OXR1: variants seen among roughly 807,000 people sequenced by gnomAD.
The protein encoded by OXR1 is oxidation resistance 1, also known as oxidation resistance protein 1.
A neutral mutation model predicts 104.6 loss-of-function variants in OXR1; 41 were observed. The observed-to-expected ratio is 0.39, with a 90% confidence interval of 0.31 to 0.51. OXR1 has a LOEUF of 0.51. Among genes scored for constraint, OXR1 ranks in the 20% least tolerant of loss-of-function variants. The pLI, the probability that OXR1 is intolerant of heterozygous loss-of-function variation, is 0.77. For missense variants in OXR1, 955 were observed against 1,031.9 expected, an observed-to-expected ratio of 0.93 and a Z score of 1.02; for synonymous variants, 348 against 348.4, an observed-to-expected ratio of 1.00 and a Z score of 0.01.
intron 3 of OXR1, among the ~76,000 whole-genome samples, chr8:106,656,540 C>A (rs1285343276): frequency 6.6e-6 from 1 of 152,166 alleles, no homozygotes; most frequent in Non-Finnish European, 1.5e-5. Context: ...ACATTCCGTC[C>A]ACTGCAACAT....
intron 3 of OXR1, among the ~76,000 whole-genome samples, chr8:106,669,444 G>A (rs1826698003): frequency 6.6e-6 from 1 of 151,988 alleles, no homozygotes; most frequent in Non-Finnish European, 1.5e-5. Flanking sequence ...GTTTTGTTTT[G>A]TTTTTGTTTT....
At position 106,706,795 on chromosome 8, in the gene OXR1, A is replaced by G. The variant is rs1357142843; in HGVS notation, c.1274A>G (p.Gln425Arg). 1 of 1,612,640 alleles carries G rather than the reference A, an allele frequency of 6.2e-7. No individual in the cohort carries two copies. Among genetic ancestry groups the G allele is most frequent in the South Asian group, 1.1e-5 (1 of 90,576 alleles). ...NNLEMAIKED[Q>R]IADNFQGISG... The stretch of plus-strand genomic sequence containing the variant: ...CTTGAAATGGCCATTAAGGAAGATC[A>G]GATTGCAGATAACTTTCAAGGAATA... The change falls in exon 9 of 17, where the codon CAG becomes CGG. Residue 425 changes from glutamine to arginine, a missense_variant. Around this residue, in one of 2 missense-constraint regions of OXR1, gnomAD observed 849 missense variants for 852.9 expected, o/e 1.00. Coordinates refer to ENST00000517566, the MANE Select transcript of OXR1 (RefSeq NM_001198533.2).
At chr8:106,660,426 A>G (rs757755998) in intron 3 of OXR1, among the ~76,000 whole-genome samples, 1 of 152,176 alleles carries the variant, frequency 6.6e-6, no homozygotes, top group African/African-American at 2.4e-5. Flanking sequence ...GTTTCCTGCT[A>G]TCATTCTTTC....
At position 106,710,805 on chromosome 8, in the gene OXR1, C is replaced by A. The variant is rs187969425; in HGVS notation, c.1793+15C>A. On this transcript the variant is annotated intron_variant, in intron 10 of 16. Transcript: ENST00000517566. ...CCACAAGAAAGGTAAAAAACCCATA[C>A]GACACCTTGAGAGCATTATTGAGAT... is the stretch of plus-strand genomic sequence containing the variant. The A allele has an allele frequency of 6.9e-7, 1 of 1,453,112 alleles. No homozygotes were observed. Among genetic ancestry groups the A allele is most frequent in the East Asian group, 2.6e-5 (1 of 39,122 alleles). 90.0% of individuals were successfully genotyped at this position (1,453,112 alleles called of 1,614,324 possible). A position where few individuals can be genotyped will look rare whatever the true frequency, so the allele number is the denominator to read the frequency against.
At chr8:106,657,861 G>C in intron 3 of OXR1, 5 of 1,241,028 alleles carry the variant, frequency 4.0e-6, no homozygotes, top group Non-Finnish European at 5.1e-6. Context: ...CCCGCCTCTT[G>C]TGAGGCGCGC....
intron 1 of OXR1, among the ~76,000 whole-genome samples, chr8:106,350,123 G>A (rs1815662799): frequency 6.6e-6 from 1 of 152,148 alleles, no homozygotes; most frequent in African/African-American, 2.4e-5. Flanking sequence ...GAAAGAACCA[G>A]TAAGAGGCAG....
intron 3 of OXR1, among the ~76,000 whole-genome samples, chr8:106,547,077 G>A (rs10099821): frequency 6.6e-6 from 1 of 151,928 alleles, no homozygotes; most frequent in Non-Finnish European, 1.5e-5. Context: ...TTTTAGTAGA[G>A]ACCGGGTTTC....
intron 2 of OXR1, among the ~76,000 whole-genome samples, chr8:106,510,582 A>G (rs866851235): frequency 6.6e-6 from 1 of 152,232 alleles, no homozygotes; most frequent in Non-Finnish European, 1.5e-5. Flanking sequence ...TTCATAGCAT[A>G]AAATTAGGTA....
At chr8:106,724,703 A>T (rs866170452) in intron 11 of OXR1, among the ~76,000 whole-genome samples, 16 of 152,298 alleles carry the variant, frequency 1.1e-4, no homozygotes, top group Admixed American at 3.9e-4. Context: ...TAGGTCTCTA[A>T]TGACTAGTTC....
At chr8:106,361,134 A>G (rs188625724) in intron 2 of OXR1, among the ~76,000 whole-genome samples, 27 of 152,338 alleles carry the variant, frequency 1.8e-4, no homozygotes, top group Admixed American at 1.4e-3. Context: ...TTCCAGCCCA[A>G]TTGTCCAGCA....
intron 3 of OXR1, among the ~76,000 whole-genome samples, chr8:106,533,363 G>A (rs1426970025): frequency 1.3e-5 from 2 of 152,310 alleles, no homozygotes; most frequent in Admixed American, 6.5e-5. Flanking sequence ...AAAAGAAGAC[G>A]ATTAGGATGG....
chr8:106,388,323 T>G (rs1404231434), intron 2 of OXR1, among the ~76,000 whole-genome samples: 1 of 152,184 alleles, frequency 6.6e-6, no homozygotes, highest in African/African-American at 2.4e-5. Context: ...CCAATACCTG[T>G]GCATTTGGAT....
At chr8:106,423,416 T>C (rs1395009897) in intron 2 of OXR1, among the ~76,000 whole-genome samples, 2 of 152,166 alleles carry the variant, frequency 1.3e-5, no homozygotes, top group Non-Finnish European at 2.9e-5. Context: ...ACTAAATGAC[T>C]GGGGTTCATT....
At chr8:106,724,409 G>A (rs1833134235) in intron 11 of OXR1, among the ~76,000 whole-genome samples, 1 of 152,114 alleles carries the variant, frequency 6.6e-6, no homozygotes, top group Non-Finnish European at 1.5e-5. Flanking sequence ...GGGCAAGAAG[G>A]AGACTTACTG....
chr8:106,598,422 G>A (rs1275129434), intron 3 of OXR1, among the ~76,000 whole-genome samples: 3 of 152,084 alleles, frequency 2.0e-5, no homozygotes, highest in African/African-American at 4.8e-5. Context: ...CTCTCTTTCT[G>A]TGGGCCTCTC....
chr8:106,671,625 A>C (rs1011524417), intron 3 of OXR1, among the ~76,000 whole-genome samples: 1 of 152,212 alleles, frequency 6.6e-6, no homozygotes, highest in East Asian at 1.9e-4. Flanking sequence ...ACACCGTGGA[A>C]TATTATGCAG....
chr8:106,704,048 T>C (rs1458611931), intron 8 of OXR1, among the ~76,000 whole-genome samples: 1 of 152,224 alleles, frequency 6.6e-6, no homozygotes, highest in Non-Finnish European at 1.5e-5. Context: ...TGGTAGAATA[T>C]CTGTGACAGA....
intron 2 of OXR1, among the ~76,000 whole-genome samples, chr8:106,460,564 A>G (rs1253101445): frequency 6.6e-6 from 1 of 152,304 alleles, no homozygotes; most frequent in Non-Finnish European, 1.5e-5. Flanking sequence ...AGTCTCTAAA[A>G]GTGGCTGTGC....
intron 3 of OXR1, among the ~76,000 whole-genome samples, chr8:106,578,817 T>G (rs1332486188): frequency 6.6e-6 from 1 of 152,178 alleles, no homozygotes; most frequent in Non-Finnish European, 1.5e-5. Flanking sequence ...TGGTTATATA[T>G]TCATCAGCTC....
Sources: allele counts gnomAD v4.1 joint callset (sites outside exome capture counted in the v4.1 genomes callset), GRCh38; gene constraint gnomAD v4.1.1; regional missense constraint gnomAD v4.1.1; transcripts MANE v1.5; gene names NCBI Gene and HGNC (gene_info 2026-07-23, HGNC 2026-07-21).